BEGAIN: variants seen among roughly 807,000 people sequenced by gnomAD.
BEGAIN encodes the protein brain enriched guanylate kinase associated, also known as brain-enriched guanylate kinase-associated protein.
In BEGAIN, 19 loss-of-function variants were observed where a neutral mutation model predicts 35.8. That is an observed-to-expected ratio of 0.53 (90% confidence interval 0.37 to 0.78). The LOEUF is 0.78. Ranked by LOEUF, BEGAIN falls within the 30% of genes least tolerant of loss-of-function variation. The pLI, the probability that BEGAIN is intolerant of heterozygous loss-of-function variation, is 0.00. For synonymous variants in BEGAIN, 462 were observed against 388.6 expected (o/e 1.19, Z -2.22); for missense variants, 795 against 853.6 (o/e 0.93, Z 0.85).
chr14:100,565,314 G>C (rs1192159116), intron 2 of BEGAIN, among the ~76,000 whole-genome samples: 1 of 152,212 alleles, frequency 6.6e-6, no homozygotes, highest in Non-Finnish European at 1.5e-5. Context: ...GCAAAGGCAG[G>C]GGCATGAAGG....
chr14:100,570,105 G>A (rs2035028940), intron 1 of BEGAIN, among the ~76,000 whole-genome samples: 1 of 152,240 alleles, frequency 6.6e-6, no homozygotes, highest in Non-Finnish European at 1.5e-5. Flanking sequence ...CCCAAAGGCT[G>A]TCTCTGGTTG....
chr14:100,577,434 C>A (rs745977066), intron 1 of BEGAIN: 1 of 399,506 alleles, frequency 2.5e-6, no homozygotes, highest in Non-Finnish European at 4.4e-6. Context: ...TGGCCGCCTC[C>A]GAAGAAAGCT....
chr14:100,538,482 C>T lies in BEGAIN; in HGVS notation c.1326G>A (p.Val442=). 1 of 1,560,542 alleles carries T rather than the reference C, an allele frequency of 6.4e-7. No homozygotes were observed. The highest frequency in any genetic ancestry group is 2.3e-5 in the East Asian group (1 of 44,200). Residue 442 remains valine (V), a synonymous_variant, in exon 7 of 7, where the codon GTG becomes GTA. Coordinates refer to ENST00000554140, the MANE Select transcript of BEGAIN (RefSeq NM_001385089.1). ...GGTAGGAGTAGGCGCCGATGTCCTCCACGCTCAGGGGACGCCACTGGCCCC... is the reference window on the plus strand; with the variant it reads ...GGTAGGAGTAGGCGCCGATGTCCTCTACGCTCAGGGGACGCCACTGGCCCC... The part of the protein sequence containing the change: ...DMRGQWRPLS[V]EDIGAYSYPV...
In BEGAIN at chr14:100,546,626, C is replaced by A. The variant is rs917305629; in HGVS notation, c.108G>T (p.Arg36=). Residue 36 remains arginine, a synonymous_variant, in exon 3 of 7, where the codon CGG becomes CGT. Coordinates refer to ENST00000554140, the MANE Select transcript of BEGAIN (RefSeq NM_001385089.1). Reference sequence around the variant, plus strand: ...CGAGCTTGTGTGTGGTGTAGGACAGCCGCTTGCGCAGCTCGCCCTTCTGCT... The same window carrying A: ...CGAGCTTGTGTGTGGTGTAGGACAGACGCTTGCGCAGCTCGCCCTTCTGCT... ...LQEQKGELRK[R]LSYTTHKLEK... is the part of the protein sequence containing the mutation. 6.3e-7 allele frequency: 1 copy of A among 1,582,230 alleles called. No individual in the cohort carries two copies. The highest frequency in any genetic ancestry group is 1.8e-5 in the Admixed American group (1 of 56,632).
chr14:100,549,341 T>A (rs993672659), intron 2 of BEGAIN: 1 of 152,502 alleles, frequency 6.6e-6, no homozygotes, highest in Admixed American at 6.5e-5. Flanking sequence ...CACCCACCTA[T>A]GGCCCTCAGG....
At position 100,538,398 on chromosome 14, in the gene BEGAIN, C is replaced by T. The variant is rs1782082923; in HGVS notation, c.1410G>A (p.Gly470=). The change falls in exon 7 of 7, where the codon GGG becomes GGA. Residue 470 remains glycine (G), a synonymous_variant. Transcript: ENST00000554140. Reference sequence around the variant, plus strand: ...CCTTCTTGCCCGGGCTGCCCCCGGCCCCGCCGTAGTAGCGTTCAGAGAAGC... The same window carrying T: ...CCTTCTTGCCCGGGCTGCCCCCGGCTCCGCCGTAGTAGCGTTCAGAGAAGC... ...PCSFSERYYG[G]AGGSPGKKAD... 6.5e-7 allele frequency: 1 copy of T among 1,543,474 alleles called. No individual in the cohort carries two copies. Among genetic ancestry groups the T allele is most frequent in the Non-Finnish European group, 8.7e-7 (1 of 1,150,060 alleles).
chr14:100,576,284 C>T (rs1294353436), intron 1 of BEGAIN, among the ~76,000 whole-genome samples: 1 of 152,176 alleles, frequency 6.6e-6, no homozygotes, highest in Non-Finnish European at 1.5e-5. Context: ...GGGCCAGCAG[C>T]ACACAGGTGG....
chr14:100,559,443 C>T (rs917036007), intron 2 of BEGAIN, among the ~76,000 whole-genome samples: 31 of 152,234 alleles, frequency 2.0e-4, no homozygotes, highest in African/African-American at 7.2e-4. Context: ...GGAACGAGCT[C>T]CTCGTGGGAC....
At chr14:100,552,013 G>T (rs541205657) in intron 2 of BEGAIN, among the ~76,000 whole-genome samples, 1 of 152,286 alleles carries the variant, frequency 6.6e-6, no homozygotes, top group African/African-American at 2.4e-5. Flanking sequence ...GCTCGAGGCT[G>T]CCAGAAACAA....
rs1200027154 is a variant in BEGAIN at position 100,537,766 on chromosome 14, C to T, written c.*203G>A. ...ACGCTCTAAGTGGAGTTCCACGGGC[C>T]GGGGCCGGGTGGACACCGTGGTGTG... On this transcript the variant is annotated 3_prime_UTR_variant, in exon 7 of 7. Transcript: ENST00000554140. 4.2e-6 allele frequency: 3 copies of T among 720,684 alleles called. No individual in the cohort carries two copies. Among genetic ancestry groups the T allele is most frequent in the East Asian group, 3.3e-5 (1 of 30,478 alleles). 44.6% of individuals were successfully genotyped at this position (720,684 alleles called of 1,614,324 possible).
rs200143180 is a variant in BEGAIN at position 100,538,070 on chromosome 14, G to A, written c.1738C>T (p.Arg580Cys). ...EASPEMHPAARLSPQQAFPRT... is the reference protein window; with the variant it reads ...EASPEMHPAACLSPQQAFPRT... The stretch of plus-strand genomic sequence containing the variant: ...GGAAAGGCCTGCTGGGGGCTGAGGC[G>A]GGCGGCAGGATGCATTTCCGGGGAG... Residue 580 changes from arginine (R) to cysteine (C), a missense_variant, in exon 7 of 7, where the codon CGC (arginine) becomes TGC (cysteine). By Grantham distance (180) the Arg-to-Cys change is radical. Coordinates refer to ENST00000554140, the MANE Select transcript of BEGAIN (RefSeq NM_001385089.1). The A allele has an allele frequency of 2.1e-5, 33 of 1,595,832 alleles. No individual in the cohort carries two copies. Among genetic ancestry groups the A allele is most frequent in the Middle Eastern group, 1.9e-4 (1 of 5,190 alleles).
chr14:100,552,158 C>T (rs753635121), intron 2 of BEGAIN, among the ~76,000 whole-genome samples: 4 of 152,082 alleles, frequency 2.6e-5, no homozygotes, highest in Non-Finnish European at 4.4e-5. Context: ...AGAATGAAGG[C>T]GCTCAGAGTA....
intron 2 of BEGAIN, among the ~76,000 whole-genome samples, chr14:100,556,856 C>T (rs1196941410): frequency 6.6e-6 from 1 of 152,158 alleles, no homozygotes; most frequent in Non-Finnish European, 1.5e-5. Flanking sequence ...TGGGGCAGAG[C>T]CGCCCGGGGC....
intron 3 of BEGAIN, 75 bp downstream of exon 3, chr14:100,546,426 C>CCCTCA (rs1338874970): frequency 2.8e-5 from 2 of 70,216 alleles, no homozygotes; most frequent in African/African-American, 7.6e-5. Context: ...CTCGCCCCGC[C>CCCTCA]CCGGCCCTCG....
intron 1 of BEGAIN, among the ~76,000 whole-genome samples, chr14:100,578,459 C>A (rs551136107): frequency 6.6e-6 from 1 of 152,368 alleles, no homozygotes; most frequent in South Asian, 2.1e-4. Flanking sequence ...AGGCTGCGGG[C>A]AGCCCACAGT....
At position 100,560,395 on chromosome 14, in the gene BEGAIN, C is replaced by G. The variant is rs1487423396; in HGVS notation, c.71+7516G>C. On this transcript the variant is annotated intron_variant, in intron 2 of 6. Coordinates refer to ENST00000554140, the MANE Select transcript of BEGAIN (RefSeq NM_001385089.1). Reference sequence around the variant, plus strand: ...GCCCCTGCCTCTCTTTTCCTTCTCTCTTGCTCAGCAAAGCCCTGCCCAGGG... The same window carrying G: ...GCCCCTGCCTCTCTTTTCCTTCTCTGTTGCTCAGCAAAGCCCTGCCCAGGG... 2.0e-5 allele frequency among the ~76,000 whole-genome samples: 3 copies of G among 152,240 alleles called. No individual in the cohort carries two copies. In the East Asian group the frequency reaches 5.8e-4, roughly 29 times the overall value.
At chr14:100,584,727 C>T (rs1050884947) in intron 1 of BEGAIN, among the ~76,000 whole-genome samples, 10 of 152,138 alleles carry the variant, frequency 6.6e-5, no homozygotes, top group East Asian at 1.9e-4. Context: ...GCTTCTGATA[C>T]GGAGCCCTAG....
chr14:100,546,784 A>T, intron 2 of BEGAIN, 122 bp from the exon 3 acceptor site: 1 of 325,188 alleles, frequency 3.1e-6, no homozygotes, highest in Non-Finnish European at 4.8e-6. Flanking sequence ...GCGCGCGCAC[A>T]CACACACACA....
chr14:100,572,940 T>A (rs1486319925), intron 1 of BEGAIN, among the ~76,000 whole-genome samples: 1 of 152,022 alleles, frequency 6.6e-6, no homozygotes, highest in Non-Finnish European at 1.5e-5. Flanking sequence ...TCAGACTGGA[T>A]GAAATTCTCT....
Sources: allele counts gnomAD v4.1 joint callset (sites outside exome capture counted in the v4.1 genomes callset), GRCh38; gene constraint gnomAD v4.1.1; transcripts MANE v1.5; gene names NCBI Gene and HGNC (gene_info 2026-07-23, HGNC 2026-07-21).